Variants in POFUT3 observed in about 807,000 individuals in gnomAD.
POFUT3 encodes the protein protein O-fucosyltransferase 3, also known as GDP-fucose protein O-fucosyltransferase 3.
At chr8:33,411,404 T>C in the POFUT3 span, among the ~76,000 whole-genome samples, 1 of 152,372 alleles carries the variant, frequency 6.6e-6, no homozygotes, top group East Asian at 1.9e-4. Flanking sequence ...CTTTATTGAA[T>C]GCCTCTATCT....
the POFUT3 span, among the ~76,000 whole-genome samples, chr8:33,328,332 G>A: frequency 6.6e-6 from 1 of 151,872 alleles, no homozygotes; most frequent in East Asian, 1.9e-4. Flanking sequence ...GATATGTCCA[G>A]GAAGGTTTTA....
chr8:33,385,885 T>G, the POFUT3 span, among the ~76,000 whole-genome samples: 1 of 149,400 alleles, frequency 6.7e-6, no homozygotes, highest in Non-Finnish European at 1.5e-5. Flanking sequence ...TCCTGTAAAA[T>G]AAGTGCAAAT....
the POFUT3 span, among the ~76,000 whole-genome samples, chr8:33,450,952 C>G: frequency 6.6e-6 from 1 of 151,938 alleles, no homozygotes; most frequent in Non-Finnish European, 1.5e-5. Context: ...CAGACCCACA[C>G]CAAAGCAGTT....
the POFUT3 span, among the ~76,000 whole-genome samples, chr8:33,426,222 A>G: frequency 2.0e-5 from 3 of 152,134 alleles, no homozygotes; most frequent in Non-Finnish European, 4.4e-5. Flanking sequence ...CACTTCTTAA[A>G]GAGATTATAG....
the POFUT3 span, among the ~76,000 whole-genome samples, chr8:33,312,192 GC>G: frequency 6.6e-6 from 1 of 151,794 alleles, no homozygotes; most frequent in Non-Finnish European, 1.5e-5. Context: ...AACCCAGGAG[GC>G]AGAGGTTGCA....
At chr8:33,437,316 C>T in the POFUT3 span, among the ~76,000 whole-genome samples, 1 of 151,678 alleles carries the variant, frequency 6.6e-6, no homozygotes, top group Non-Finnish European at 1.5e-5. Flanking sequence ...TAATGGAGCT[C>T]GAACTCCCCT....
the POFUT3 span, among the ~76,000 whole-genome samples, chr8:33,443,560 T>C: frequency 1.3e-5 from 2 of 152,198 alleles, no homozygotes; most frequent in Non-Finnish European, 2.9e-5. Flanking sequence ...TGGCACGATC[T>C]TGGCTCACTG....
chr8:33,330,545 T>C, the POFUT3 span, among the ~76,000 whole-genome samples: 1 of 152,154 alleles, frequency 6.6e-6, no homozygotes, highest in Non-Finnish European at 1.5e-5. Context: ...GCCTCACACA[T>C]TGAAGATGTC....
At chr8:33,383,167 G>A in the POFUT3 span, among the ~76,000 whole-genome samples, 3 of 152,070 alleles carry the variant, frequency 2.0e-5, no homozygotes, top group African/African-American at 4.8e-5. Flanking sequence ...TAACATCATC[G>A]CATTGCCCTC....
chr8:33,351,797 T>TA, the POFUT3 span, among the ~76,000 whole-genome samples: 237 of 150,238 alleles, frequency 1.6e-3, 2 homozygotes, highest in Middle Eastern at 3.4e-3. Flanking sequence ...CAGAGTGAGA[T>TA]AAAAAAAAAG....
chr8:33,342,776 CG>C, the POFUT3 span, among the ~76,000 whole-genome samples: 1 of 152,132 alleles, frequency 6.6e-6, no homozygotes, highest in South Asian at 2.1e-4. Context: ...GTGCAGTTAC[CG>C]TATGACTCAG....
At chr8:33,461,724 T>A in the POFUT3 span, 9 of 1,300,816 alleles carry the variant, frequency 6.9e-6, no homozygotes, top group African/African-American at 1.2e-4. Flanking sequence ...ATCAAAAAAA[T>A]TCTGCAACAA....
chr8:33,374,852 A>G, the POFUT3 span, among the ~76,000 whole-genome samples: 5 of 151,032 alleles, frequency 3.3e-5, no homozygotes, highest in Middle Eastern at 3.4e-3. Context: ...TAGAATGAAG[A>G]CATTTTCTTT....
At chr8:33,453,714 G>T in the POFUT3 span, among the ~76,000 whole-genome samples, 13 of 152,132 alleles carry the variant, frequency 8.5e-5, no homozygotes, top group Non-Finnish European at 1.6e-4. Flanking sequence ...AGGGGGGCAA[G>T]GTGGAAGGAT....
At chr8:33,400,249 C>A in the POFUT3 span, among the ~76,000 whole-genome samples, 11 of 150,948 alleles carry the variant, frequency 7.3e-5, no homozygotes, top group Non-Finnish European at 8.8e-5. Flanking sequence ...GCCAGGAATT[C>A]GAGACCAGCC....
the POFUT3 span, among the ~76,000 whole-genome samples, chr8:33,448,436 C>T: frequency 6.6e-6 from 1 of 151,264 alleles, no homozygotes; most frequent in South Asian, 2.1e-4. Context: ...ATCCTGTCTC[C>T]AAAACAAACA....
chr8:33,339,237 T>C, the POFUT3 span, among the ~76,000 whole-genome samples: 2 of 152,034 alleles, frequency 1.3e-5, no homozygotes, highest in Non-Finnish European at 2.9e-5. Flanking sequence ...AAATAGAAGA[T>C]ATAAAGGAGA....
chr8:33,453,570 T>C, the POFUT3 span: 1 of 1,382,390 alleles, frequency 7.2e-7, no homozygotes, highest in Non-Finnish European at 9.9e-7. Flanking sequence ...TGCACATCTC[T>C]CATTAATCTT....
At chr8:33,441,382 T>A in the POFUT3 span, among the ~76,000 whole-genome samples, 1 of 147,150 alleles carries the variant, frequency 6.8e-6, no homozygotes, top group Admixed American at 6.7e-5. Flanking sequence ...TCCTGCCTTT[T>A]TTTTTTTTTT....
Sources: allele counts gnomAD v4.1 joint callset (sites outside exome capture counted in the v4.1 genomes callset), GRCh38; gene constraint gnomAD v4.1.1; transcripts MANE v1.5; gene names NCBI Gene and HGNC (gene_info 2026-07-23, HGNC 2026-07-21).